The following ADGB variants were observed in gnomAD, a reference collection of about 807,000 sequenced individuals.
The protein encoded by ADGB is androglobin.
Under a neutral mutation model 210.5 loss-of-function variants are expected in ADGB, and 172 were observed. The ratio of observed to expected loss-of-function variants is 0.82; its 90% CI spans 0.72 to 0.93. ADGB has a LOEUF of 0.93. Among genes scored for constraint, ADGB ranks in the 40% least tolerant of loss-of-function variants. The pLI, the probability that ADGB is intolerant of heterozygous loss-of-function variation, is 0.00. For synonymous variants in ADGB, 658 were observed against 662.7 expected (o/e 0.99, Z 0.11); for missense variants, 2,025 against 1,964.8 (o/e 1.03, Z -0.58).
chr6:146,644,919 T>A, intron 3 of ADGB, 54 bp downstream of exon 3: 2 of 1,120,874 alleles, frequency 1.8e-6, no homozygotes, highest in Non-Finnish European at 2.5e-6. Context: ...TGTATTATCC[T>A]ACTGATAAAA....
intron 35 of ADGB, among the ~76,000 whole-genome samples, 193 bp from the exon 36 acceptor site, chr6:146,814,839 A>G (rs959054304): frequency 6.6e-6 from 1 of 152,194 alleles, no homozygotes; most frequent in African/African-American, 2.4e-5. Context: ...ACTGTGTTAA[A>G]ATCTCATGAT....
chr6:146,771,315 T>A (rs1469784962), intron 29 of ADGB, among the ~76,000 whole-genome samples: 1 of 152,110 alleles, frequency 6.6e-6, no homozygotes, highest in Non-Finnish European at 1.5e-5. Flanking sequence ...CTGCTGTGAA[T>A]TTGAGCCCTT....
chr6:146,791,082 T>C (rs2114653798), intron 33 of ADGB, among the ~76,000 whole-genome samples: 1 of 152,336 alleles, frequency 6.6e-6, no homozygotes, highest in Non-Finnish European at 1.5e-5. Flanking sequence ...CTTGTATGTA[T>C]TGAATATTAG....
chr6:146,651,906 T>G (rs1775708897), intron 3 of ADGB, among the ~76,000 whole-genome samples: 1 of 152,178 alleles, frequency 6.6e-6, no homozygotes. Flanking sequence ...TCGATTACAC[T>G]GTTATAAAAT....
At chr6:146,724,122 G>A in intron 17 of ADGB, 64 bp from the exon 18 acceptor site, 2 of 1,343,868 alleles carry the variant, frequency 1.5e-6, no homozygotes, top group Non-Finnish European at 2.0e-6. Flanking sequence ...AAAAAAGACA[G>A]TACTAGTGAA....
intron 33 of ADGB, among the ~76,000 whole-genome samples, chr6:146,793,938 T>C (rs1031691690): frequency 1.3e-5 from 2 of 152,186 alleles, no homozygotes; most frequent in Non-Finnish European, 2.9e-5. Context: ...AGAGTAAGGA[T>C]AGATTTTGTT....
chr6:146,800,059 T>C (rs1242466795), intron 33 of ADGB, among the ~76,000 whole-genome samples: 2 of 152,150 alleles, frequency 1.3e-5, no homozygotes, highest in Non-Finnish European at 2.9e-5. Context: ...CCACCCGCCT[T>C]GGCCTCCCAA....
At position 146,670,231 on chromosome 6, in the gene ADGB, C is replaced by T. The variant is rs529638216; in HGVS notation, c.840-1989C>T. Among the ~76,000 whole-genome samples, 13 of 152,134 alleles carry T rather than the reference C, an allele frequency of 8.5e-5. No individual in the cohort carries two copies. The South Asian group carries it at 2.5e-3, about 29-fold the overall frequency. Reference sequence around the variant, plus strand: ...AGTATAAATCAGATCATATCGTTTTCCTCGCTTAAAACCTTTCAGTGTTTA... The same window carrying T: ...AGTATAAATCAGATCATATCGTTTTTCTCGCTTAAAACCTTTCAGTGTTTA... On this transcript the variant is annotated intron_variant, in intron 7 of 35. Transcript: ENST00000397944.
Position 146,638,367 on chromosome 6 carries a change from A to G in ADGB, c.237+2830A>G, listed in dbSNP as rs1170473112. Among the ~76,000 whole-genome samples the G allele has an allele frequency of 5.3e-5, 8 of 151,944 alleles. 1 individual carries two copies. The highest frequency in any genetic ancestry group is 3.9e-4 in the Admixed American group (6 of 15,214). ...TTGGAACCAACCCAAATGTCCAACA[A>G]TGATAGACTGGATTAAGAAAATGTG... On this transcript the variant is annotated intron_variant, in intron 2 of 35. Transcript: ENST00000397944.
At chr6:146,794,638 G>C (rs962556367) in intron 33 of ADGB, among the ~76,000 whole-genome samples, 1 of 152,048 alleles carries the variant, frequency 6.6e-6, no homozygotes, top group Non-Finnish European at 1.5e-5. Flanking sequence ...GTTAAGGAAA[G>C]GGGGGTGGGA....
intron 13 of ADGB, among the ~76,000 whole-genome samples, chr6:146,715,155 G>A (rs1776714994): frequency 6.6e-6 from 1 of 152,076 alleles, no homozygotes; most frequent in East Asian, 1.9e-4. Flanking sequence ...AACATATTCT[G>A]TGTCTTAATG....
chr6:146,714,811 A>T (rs1776709870), intron 13 of ADGB, among the ~76,000 whole-genome samples: 1 of 152,194 alleles, frequency 6.6e-6, no homozygotes, highest in African/African-American at 2.4e-5. Context: ...TAATTTTTAA[A>T]ATATTGTTGA....
At chr6:146,669,898 TA>T (rs2114900126) in intron 7 of ADGB, among the ~76,000 whole-genome samples, 1 of 152,226 alleles carries the variant, frequency 6.6e-6, no homozygotes, top group East Asian at 1.9e-4. Flanking sequence ...CTCAACCTCC[TA>T]AACTGCACCA....
rs1241821926 is a variant in ADGB at position 146,741,133 on chromosome 6, T to C, written c.3039T>C (p.Val1013=). The change falls in exon 25 of 36, where the codon GTT becomes GTC. Residue 1013 remains valine (V), a synonymous_variant. Coordinates refer to ENST00000397944, the MANE Select transcript of ADGB (RefSeq NM_024694.4). ...GTAATTACAGAGAAACATTTTTGGT[T>C]CATCAAGACATGATTTTGGTTCCCA... ...WFIVFRETFL[V]HQDMILVPKV... 6.6e-7 allele frequency: 1 copy of C among 1,522,964 alleles called. No individual in the cohort carries two copies. Among genetic ancestry groups the C allele is most frequent in the Non-Finnish European group, 8.8e-7 (1 of 1,135,136 alleles). The allele number at this position is 1,522,964 out of a possible 1,614,324, so 94.3% of individuals were successfully genotyped here.
At chr6:146,694,748 T>C (rs993828480) in intron 12 of ADGB, among the ~76,000 whole-genome samples, 1 of 152,160 alleles carries the variant, frequency 6.6e-6, no homozygotes, top group African/African-American at 2.4e-5. Flanking sequence ...CTCTTATTAT[T>C]AGGTTTCTAG....
chr6:146,788,065 G>A (rs1424898058), intron 32 of ADGB, among the ~76,000 whole-genome samples: 5 of 152,184 alleles, frequency 3.3e-5, no homozygotes, highest in Non-Finnish European at 5.9e-5. Context: ...TCAGCATAGG[G>A]CTAGTTGTAC....
At chr6:146,617,383 A>G (rs1320813025) in intron 1 of ADGB, among the ~76,000 whole-genome samples, 1 of 152,044 alleles carries the variant, frequency 6.6e-6, no homozygotes, top group African/African-American at 2.4e-5. Flanking sequence ...GTCACCTGGG[A>G]GCAAGTATAA....
At chr6:146,686,467 C>A (rs1243537974) in intron 10 of ADGB, among the ~76,000 whole-genome samples, 2 of 151,906 alleles carry the variant, frequency 1.3e-5, no homozygotes, top group East Asian at 3.9e-4. Flanking sequence ...ATGTGTATAC[C>A]TTTTTTACTG....
intron 28 of ADGB, among the ~76,000 whole-genome samples, chr6:146,768,330 A>T (rs1483753424): frequency 6.6e-6 from 1 of 152,216 alleles, no homozygotes; most frequent in African/African-American, 2.4e-5. Flanking sequence ...GTGTCTTAGT[A>T]TTTCCAAAGA....
Sources: allele counts gnomAD v4.1 joint callset (sites outside exome capture counted in the v4.1 genomes callset), GRCh38; gene constraint gnomAD v4.1.1; transcripts MANE v1.5; gene names NCBI Gene and HGNC (gene_info 2026-07-23, HGNC 2026-07-21).